UBE2E2: variants seen among roughly 807,000 people sequenced by gnomAD.
UBE2E2 encodes the protein ubiquitin-conjugating enzyme E2 E2.
Under a neutral mutation model 24.7 loss-of-function variants are expected in UBE2E2, and 6 were observed. The observed-to-expected ratio is 0.24, with a 90% CI of 0.13 to 0.48. The LOEUF (loss-of-function observed/expected upper bound fraction) is 0.48. UBE2E2 is among the 20% of genes least tolerant of loss of function. The pLI is 0.99. For synonymous variants in UBE2E2, 104 were observed against 83.6 expected, an observed-to-expected ratio of 1.24 and a Z score of -1.33; for missense variants, 169 against 245.0, an observed-to-expected ratio of 0.69 and a Z score of 2.07.
intron 3 of UBE2E2, among the ~76,000 whole-genome samples, chr3:23,253,972 A>G (rs995788880): frequency 1.3e-5 from 2 of 152,202 alleles, no homozygotes; most frequent in Non-Finnish European, 2.9e-5. Flanking sequence ...TTAAATTTAG[A>G]TTTGTGATTT....
At chr3:23,357,127 C>T (rs1695978744) in intron 3 of UBE2E2, among the ~76,000 whole-genome samples, 1 of 152,168 alleles carries the variant, frequency 6.6e-6, no homozygotes, top group Admixed American at 6.5e-5. Context: ...CATGGTCTTA[C>T]TTCACTGCAA....
chr3:23,354,813 C>T (rs1695889858), intron 3 of UBE2E2, among the ~76,000 whole-genome samples: 1 of 152,222 alleles, frequency 6.6e-6, no homozygotes, highest in Admixed American at 6.5e-5. Flanking sequence ...TTGTGGAAGA[C>T]AGTGTGGCAA....
chr3:23,298,728 A>G (rs1192266320), intron 3 of UBE2E2, among the ~76,000 whole-genome samples: 1 of 151,716 alleles, frequency 6.6e-6, no homozygotes, highest in Non-Finnish European at 1.5e-5. Flanking sequence ...ATGTTCATCA[A>G]GGATATTGGT....
intron 3 of UBE2E2, among the ~76,000 whole-genome samples, chr3:23,238,045 C>T (rs1697163511): frequency 6.6e-6 from 1 of 152,072 alleles, no homozygotes; most frequent in Non-Finnish European, 1.5e-5. Flanking sequence ...ATTCCATCCA[C>T]AAGTACTCAG....
chr3:23,552,955 A>G (rs1695677795), intron 5 of UBE2E2, among the ~76,000 whole-genome samples: 1 of 152,122 alleles, frequency 6.6e-6, no homozygotes, highest in African/African-American at 2.4e-5. Context: ...TTCTATGTAA[A>G]TTTTTTTATG....
At chr3:23,422,133 A>G in intron 3 of UBE2E2, among the ~76,000 whole-genome samples, 1 of 152,206 alleles carries the variant, frequency 6.6e-6, no homozygotes, top group East Asian at 1.9e-4. Context: ...TATATTCCAA[A>G]TAGAAGTAGA....
intron 3 of UBE2E2, among the ~76,000 whole-genome samples, chr3:23,456,417 A>AG (rs1553612827): frequency 2.0e-5 from 3 of 152,250 alleles, no homozygotes; most frequent in Non-Finnish European, 4.4e-5. Context: ...GATCCATCAG[A>AG]GGAATCACTG....
intron 3 of UBE2E2, among the ~76,000 whole-genome samples, chr3:23,252,423 A>G (rs548562959): frequency 6.6e-6 from 1 of 152,352 alleles, no homozygotes; most frequent in Non-Finnish European, 1.5e-5. Flanking sequence ...ATGTGTATGA[A>G]AAAGAATTTG....
intron 3 of UBE2E2, among the ~76,000 whole-genome samples, chr3:23,337,410 G>A (rs1039128629): frequency 6.6e-6 from 1 of 152,164 alleles, no homozygotes; most frequent in African/African-American, 2.4e-5. Flanking sequence ...GCACTGGGAT[G>A]TAACAGTGTG....
intron 4 of UBE2E2, among the ~76,000 whole-genome samples, chr3:23,517,147 T>C (rs762061290): frequency 6.6e-6 from 1 of 152,064 alleles, no homozygotes. Context: ...CATCCCAGCT[T>C]TTTAAATTAT....
At chr3:23,568,323 T>C (rs961606587) in intron 5 of UBE2E2, among the ~76,000 whole-genome samples, 1 of 152,132 alleles carries the variant, frequency 6.6e-6, no homozygotes, top group Non-Finnish European at 1.5e-5. Context: ...GGAATTGATA[T>C]ATTTTGCAGT....
intron 3 of UBE2E2, among the ~76,000 whole-genome samples, chr3:23,387,632 C>T (rs534320593): frequency 3.3e-5 from 5 of 152,252 alleles, no homozygotes; most frequent in Admixed American, 6.5e-5. Context: ...TCTTTCTTTA[C>T]CATCTTTAAT....
intron 3 of UBE2E2, among the ~76,000 whole-genome samples, chr3:23,392,557 C>T (rs998121929): frequency 6.6e-6 from 1 of 151,732 alleles, no homozygotes; most frequent in Non-Finnish European, 1.5e-5. Flanking sequence ...GAGCATCTAC[C>T]TTATGGAGTT....
At chr3:23,257,181 C>T (rs1270646568) in intron 3 of UBE2E2, among the ~76,000 whole-genome samples, 2 of 152,108 alleles carry the variant, frequency 1.3e-5, no homozygotes, top group Non-Finnish European at 2.9e-5. Context: ...TCAGGAGACT[C>T]CAAACCTGAA....
At chr3:23,302,845 T>C (rs1699135455) in intron 3 of UBE2E2, among the ~76,000 whole-genome samples, 1 of 152,210 alleles carries the variant, frequency 6.6e-6, no homozygotes, top group South Asian at 2.1e-4. Flanking sequence ...TTGTGGGCTA[T>C]AGACTGCTGA....
chr3:23,400,975 T>G (rs1697208570), intron 3 of UBE2E2, among the ~76,000 whole-genome samples: 1 of 152,216 alleles, frequency 6.6e-6, no homozygotes, highest in Admixed American at 6.5e-5. Flanking sequence ...TAATCAGATG[T>G]GAAGATGTGC....
At position 23,579,339 on chromosome 3, in the gene UBE2E2, C is replaced by T. The variant is rs866244747; in HGVS notation, c.509-10395C>T. Among the ~76,000 whole-genome samples, 81 of 149,344 alleles carry T rather than the reference C, an allele frequency of 5.4e-4. No individual in the cohort carries two copies. The Middle Eastern group carries it at 0.01, about 19-fold the overall frequency. ...GGTGGAGCTTGCAGTGAGCCAAGAT[C>T]GTGCCACTACACTCCAGCCTGGGCA... On this transcript the variant is annotated intron_variant, in intron 5 of 5. Transcript: ENST00000396703.
intron 3 of UBE2E2, among the ~76,000 whole-genome samples, chr3:23,235,477 G>A (rs978896212): frequency 6.6e-6 from 1 of 152,068 alleles, no homozygotes; most frequent in South Asian, 2.1e-4. Context: ...GAATGCTGTT[G>A]TACAAGATGA....
At chr3:23,496,644 G>T (rs2125453644) in intron 3 of UBE2E2, among the ~76,000 whole-genome samples, 1 of 152,072 alleles carries the variant, frequency 6.6e-6, no homozygotes, top group African/African-American at 2.4e-5. Context: ...CCTTTGGGTG[G>T]ATTTACCCAT....
Sources: allele counts gnomAD v4.1 joint callset (sites outside exome capture counted in the v4.1 genomes callset), GRCh38; gene constraint gnomAD v4.1.1; transcripts MANE v1.5; gene names NCBI Gene and HGNC (gene_info 2026-07-23, HGNC 2026-07-21).